The following BTRC variants were observed in gnomAD, a reference collection of about 807,000 sequenced individuals.
BTRC encodes F-box/WD repeat-containing protein 1A.
BTRC carries 42 observed loss-of-function variants against 85.5 expected under a neutral mutation model. That is an observed-to-expected ratio of 0.49 (90% CI 0.38 to 0.64). The LOEUF is 0.64. Ranked by LOEUF, BTRC falls within the 30% of genes least tolerant of loss-of-function variation. The probability of loss-of-function intolerance (pLI) is 0.00; values close to 1 mark genes in which losing one functional copy is unlikely to be tolerated. For synonymous variants in BTRC, 255 were observed against 263.3 expected (o/e 0.97, Z 0.30); for missense variants, 594 against 743.5 (o/e 0.80, Z 2.34).
intron 13 of BTRC, among the ~76,000 whole-genome samples, chr10:101,542,623 A>G (rs1308880131): frequency 6.6e-6 from 1 of 151,888 alleles, no homozygotes; most frequent in African/African-American, 2.4e-5. Context: ...CCAGGCTGGA[A>G]TGCAGTGGCA....
intron 1 of BTRC, among the ~76,000 whole-genome samples, chr10:101,415,930 C>T (rs1158477999): frequency 1.3e-5 from 2 of 152,108 alleles, no homozygotes; most frequent in Admixed American, 6.6e-5. Context: ...CTACAGTATT[C>T]GGTACAGTAA....
At chr10:101,402,438 T>C (rs1943515226) in intron 1 of BTRC, among the ~76,000 whole-genome samples, 1 of 152,202 alleles carries the variant, frequency 6.6e-6, no homozygotes, top group South Asian at 2.1e-4. Context: ...AAATAATGAA[T>C]ATAATTTATT....
chr10:101,478,941 G>GAAAAAA (rs765974783), intron 3 of BTRC, among the ~76,000 whole-genome samples: 1 of 98,036 alleles, frequency 1.0e-5, no homozygotes. Flanking sequence ...TCCATCTGGG[G>GAAAAAA]AAAAAAAAAA....
chr10:101,503,915 G>A (rs569489891), intron 4 of BTRC, among the ~76,000 whole-genome samples: 1 of 152,280 alleles, frequency 6.6e-6, no homozygotes, highest in East Asian at 1.9e-4. Context: ...GAGCAGGGTA[G>A]TTTTTTCCTT....
intron 2 of BTRC, among the ~76,000 whole-genome samples, chr10:101,433,091 A>G (rs757158110): frequency 1.3e-5 from 2 of 152,170 alleles, no homozygotes; most frequent in African/African-American, 2.4e-5. Context: ...CCAGGGGCCC[A>G]GAGACCGCTT....
At chr10:101,505,157 G>GTGTA (rs1554889442) in intron 4 of BTRC, among the ~76,000 whole-genome samples, 101 of 118,902 alleles carry the variant, frequency 8.5e-4, no homozygotes, top group Admixed American at 1.5e-3. Flanking sequence ...ATATGTATAT[G>GTGTA]TATATATATA....
At position 101,531,222 on chromosome 10, in the gene BTRC, TTTG is replaced by T; in HGVS notation, c.744-12_744-10del. 6.5e-7 allele frequency: 1 copy of T among 1,529,286 alleles called. No homozygotes were observed. The highest frequency in any genetic ancestry group is 9.0e-7 in the Non-Finnish European group (1 of 1,109,340). The allele number at this position is 1,529,286 out of a possible 1,614,324, so 94.7% of individuals were successfully genotyped here. ...ATGTCATGATTTTCACTGGGAAATA[TTTG>T]TTATTTTTTAGGGGACAGTATTTAT... On this transcript the variant is annotated splice_polypyrimidine_tract_variant and intron_variant, in intron 6 of 14. Transcript: ENST00000370187.
In BTRC at chr10:101,395,195, C is replaced by G. The variant is rs1943333934; in HGVS notation, c.49-35150C>G. ...TGAGGTTTCCTACCAATACAGCAAA[C>G]TCTAAGGAAAGAAGAAGGTAGGGTT... On this transcript the variant is annotated intron_variant, in intron 1 of 14. Transcript: ENST00000370187. 2.6e-5 allele frequency among the ~76,000 whole-genome samples: 4 copies of G among 152,130 alleles called. No homozygotes were observed. In the South Asian group the frequency reaches 8.3e-4, roughly 32 times the overall value.
At chr10:101,544,328 C>T (rs1351605607) in intron 13 of BTRC, among the ~76,000 whole-genome samples, 1 of 151,914 alleles carries the variant, frequency 6.6e-6, no homozygotes, top group Admixed American at 6.6e-5. Flanking sequence ...TTTCCTTTTG[C>T]TTAAAGAACT....
At chr10:101,493,635 G>A (rs1451554623) in intron 4 of BTRC, among the ~76,000 whole-genome samples, 2 of 152,192 alleles carry the variant, frequency 1.3e-5, no homozygotes, top group Admixed American at 6.5e-5. Context: ...AATCGCAGAA[G>A]TATGCAAATT....
chr10:101,401,635 G>A (rs1166654764), intron 1 of BTRC, among the ~76,000 whole-genome samples: 1 of 151,940 alleles, frequency 6.6e-6, no homozygotes, highest in South Asian at 2.1e-4. Context: ...AATTTATTAT[G>A]CTGATACAAA....
At chr10:101,530,509 A>G (rs577404593) in intron 6 of BTRC, among the ~76,000 whole-genome samples, 1 of 152,144 alleles carries the variant, frequency 6.6e-6, no homozygotes, top group African/African-American at 2.4e-5. Flanking sequence ...AAAAAAAAAA[A>G]CCTATAGGGC....
chr10:101,501,069 G>A (rs371074380), intron 4 of BTRC, among the ~76,000 whole-genome samples: 21 of 151,936 alleles, frequency 1.4e-4, no homozygotes, highest in African/African-American at 4.6e-4. Flanking sequence ...GGTGGCACAC[G>A]CCTGTAGTCC....
At chr10:101,389,991 C>T (rs1943195824) in intron 1 of BTRC, among the ~76,000 whole-genome samples, 1 of 152,082 alleles carries the variant, frequency 6.6e-6, no homozygotes, top group African/African-American at 2.4e-5. Flanking sequence ...TTGGTTGAGT[C>T]CTTCGTTTAT....
At chr10:101,354,071 G>A (rs1941954822), upstream of BTRC, 4 of 1,331,512 alleles carry the variant, frequency 3.0e-6, no homozygotes, top group Non-Finnish European at 4.2e-6. Context: ...TGAGAGGTAA[G>A]AGAGGGCGGG....
intron 4 of BTRC, among the ~76,000 whole-genome samples, chr10:101,511,404 CTTCTTTTCTTT>C (rs1452442100): frequency 2.0e-5 from 3 of 152,070 alleles, no homozygotes; most frequent in South Asian, 2.1e-4. Context: ...GCACTCTTTA[CTTCTTTTCTTT>C]TTCTTTTCTT....
chr10:101,513,731 A>G (rs922532661), intron 4 of BTRC, among the ~76,000 whole-genome samples: 3 of 131,196 alleles, frequency 2.3e-5, no homozygotes, highest in Admixed American at 7.3e-5. Context: ...TATGGAAGCA[A>G]AAAACATTAA....
Position 101,555,740 on chromosome 10 carries a change from A to G in BTRC, c.*2617A>G, listed in dbSNP as rs562753646. On this transcript the variant is annotated 3_prime_UTR_variant, in exon 15 of 15. Transcript: ENST00000370187. ...ACGAAAAGAGAGACAAAGTCTCAGC[A>G]CATTCCAAGGAGTGGTAGAAACAGA... 1.6e-4 allele frequency: 24 copies of G among 152,720 alleles called. No individual in the cohort carries two copies. The highest frequency in any genetic ancestry group is 5.5e-4 in the African/African-American group (23 of 41,580). 9.5% of individuals were successfully genotyped at this position (152,720 alleles called of 1,614,324 possible). A position where few individuals can be genotyped will look rare whatever the true frequency, so the allele number is the denominator to read the frequency against.
intron 3 of BTRC, among the ~76,000 whole-genome samples, chr10:101,475,928 T>TATATATATA (rs1268684747): frequency 1.0e-4 from 10 of 98,454 alleles, no homozygotes; most frequent in African/African-American, 5.6e-4. Flanking sequence ...TTGCCATATA[T>TATATATATA]ATATATATAT....
Sources: allele counts gnomAD v4.1 joint callset (sites outside exome capture counted in the v4.1 genomes callset), GRCh38; gene constraint gnomAD v4.1.1; transcripts MANE v1.5; gene names NCBI Gene and HGNC (gene_info 2026-07-23, HGNC 2026-07-21).